STON2: variants seen among roughly 807,000 people sequenced by gnomAD.
STON2 encodes stonin-2.
A neutral mutation model predicts 65.7 loss-of-function variants in STON2; 29 were observed. The observed-to-expected ratio is 0.44, with a 90% confidence interval of 0.33 to 0.60. STON2 has a LOEUF of 0.60. STON2 is among the 20% of genes least tolerant of loss of function. The pLI, the probability that STON2 is intolerant of heterozygous loss-of-function variation, is 0.03. For missense variants in STON2, 1,054 were observed against 1,118.1 expected, an observed-to-expected ratio of 0.94 and a Z score of 0.82; for synonymous variants, 404 against 414.2, an observed-to-expected ratio of 0.98 and a Z score of 0.30.
In STON2 at chr14:81,270,928, C is replaced by G; in HGVS notation, c.2582-56G>C. The G allele has an allele frequency of 3.8e-6, 6 of 1,574,474 alleles. No homozygotes were observed. In the East Asian group the frequency reaches 1.3e-4, roughly 35 times the overall value. On this transcript the variant is annotated intron_variant, in intron 6 of 7. Coordinates refer to ENST00000614646, the MANE Select transcript of STON2 (RefSeq NM_001394390.1). ...TTATTTGGGGAGAAAGTGGAAGGAG[C>G]AGCCAAAGGAGCCACTTTGGTAATA...
chr14:81,331,913 GA>G (rs1482506005), intron 4 of STON2, among the ~76,000 whole-genome samples: 19 of 152,254 alleles, frequency 1.2e-4, no homozygotes, highest in African/African-American at 4.6e-4. Flanking sequence ...TCTTCCCAGG[GA>G]AGACACTCCT....
rs368197898 is a variant in STON2, at chr14:81,430,484, C to T, written c.-309-3272G>A. Among the ~76,000 whole-genome samples, 3 of 152,328 alleles carry T rather than the reference C, an allele frequency of 2.0e-5. No individual in the cohort carries two copies. In the East Asian group the frequency reaches 5.8e-4, roughly 29 times the overall value. ...CACTCTTCGCTGTGATGAAACATCACAAGGAACACTGACCACCCCTTGCCA... is the reference window on the plus strand; with the variant it reads ...CACTCTTCGCTGTGATGAAACATCATAAGGAACACTGACCACCCCTTGCCA... On this transcript the variant is annotated intron_variant, in intron 1 of 8. Transcript: ENST00000553821.
At chr14:81,429,656 G>A (rs901118035) in intron 1 of STON2, among the ~76,000 whole-genome samples, 15 of 152,130 alleles carry the variant, frequency 9.9e-5, no homozygotes, top group South Asian at 2.1e-4. Flanking sequence ...CATCTAGGTC[G>A]GGCATGATGG....
chr14:81,386,851 A>G (rs527771286), intron 3 of STON2, among the ~76,000 whole-genome samples: 1 of 152,282 alleles, frequency 6.6e-6, no homozygotes, highest in Non-Finnish European at 1.5e-5. Flanking sequence ...AGGCATTTGC[A>G]GACATGTTCT....
At chr14:81,299,572 G>GT (rs1295979451) in intron 5 of STON2, among the ~76,000 whole-genome samples, 1 of 152,174 alleles carries the variant, frequency 6.6e-6, no homozygotes, top group Non-Finnish European at 1.5e-5. Flanking sequence ...GCTGTTTTCA[G>GT]TTTTTCCTTT....
Position 81,306,220 on chromosome 14 carries a change from C to CTATTTTTTTTTTTTTTTTTTTTTT in STON2, c.742+17796_742+17797insAAAAAAAAAAAAAAAAAAAAAATA, listed in dbSNP as rs1555397665. Among the ~76,000 whole-genome samples, 2 of 69,490 alleles carry CTATTTTTTTTTTTTTTTTTTTTTT rather than the reference C, an allele frequency of 2.9e-5. 1 individual carries two copies. The allele number at this position is 69,490 out of a possible 152,430, so 45.6% of individuals were successfully genotyped here. A position where few individuals can be genotyped will look rare whatever the true frequency, so the allele number is the denominator to read the frequency against. ...TTATATATACACACACATACATACT[C>CTATTTTTTTTTTTTTTTTTTTTTT]TTTTTTTTTTTTTTTTTTTTTTTTT... On this transcript the variant is annotated intron_variant, in intron 5 of 7. Coordinates refer to ENST00000614646, the MANE Select transcript of STON2 (RefSeq NM_001394390.1).
intron 5 of STON2, among the ~76,000 whole-genome samples, chr14:81,312,313 T>C (rs1301924856): frequency 6.6e-6 from 1 of 152,120 alleles, no homozygotes; most frequent in Non-Finnish European, 1.5e-5. Flanking sequence ...AAAGCCTGAC[T>C]TTGGCCATTA....
intron 5 of STON2, among the ~76,000 whole-genome samples, chr14:81,280,954 T>C (rs1012209841): frequency 1.4e-5 from 2 of 146,998 alleles, no homozygotes; most frequent in African/African-American, 5.1e-5. Context: ...GAGGTTGCAG[T>C]GAGCCGAGAT....
intron 1 of STON2, among the ~76,000 whole-genome samples, chr14:81,431,731 T>C (rs756555554): frequency 2.6e-5 from 4 of 151,638 alleles, no homozygotes; most frequent in Non-Finnish European, 5.9e-5. Context: ...TAAGCCGATA[T>C]TGCGCACTGC....
At chr14:81,433,399 A>G (rs73344133) in intron 1 of STON2, among the ~76,000 whole-genome samples, 8,841 of 152,166 alleles carry the variant, frequency 0.058, 403 homozygotes, top group African/African-American at 0.12. Context: ...TCAAAGCCCA[A>G]CTCAAAACTC....
At chr14:81,346,461 G>T (rs1472586071) in intron 4 of STON2, among the ~76,000 whole-genome samples, 1 of 152,096 alleles carries the variant, frequency 6.6e-6, no homozygotes, top group Non-Finnish European at 1.5e-5. Flanking sequence ...TGGACATTAG[G>T]ACACAGGCAC....
At chr14:81,308,163 T>C (rs1021787799) in intron 5 of STON2, among the ~76,000 whole-genome samples, 3 of 152,222 alleles carry the variant, frequency 2.0e-5, no homozygotes, top group Admixed American at 2.0e-4. Context: ...TCATTACGCT[T>C]ACCTGCTCTG....
chr14:81,288,699 A>C (rs2140149357), intron 5 of STON2, among the ~76,000 whole-genome samples: 1 of 152,190 alleles, frequency 6.6e-6, no homozygotes, highest in South Asian at 2.1e-4. Context: ...GGACCATCAA[A>C]CACCTATATG....
intron 5 of STON2, among the ~76,000 whole-genome samples, chr14:81,284,641 A>T (rs1895263112): frequency 6.6e-6 from 1 of 152,258 alleles, no homozygotes; most frequent in Non-Finnish European, 1.5e-5. Flanking sequence ...ATATTTACCT[A>T]ATATAATTGA....
chr14:81,275,766 T>C (rs1303543805), intron 6 of STON2, among the ~76,000 whole-genome samples: 1 of 152,214 alleles, frequency 6.6e-6, no homozygotes, highest in African/African-American at 2.4e-5. Context: ...CTCCCTGGAC[T>C]GCCTGGGGAG....
chr14:81,344,989 T>C (rs1897757677), intron 4 of STON2, among the ~76,000 whole-genome samples: 1 of 152,208 alleles, frequency 6.6e-6, no homozygotes, highest in Non-Finnish European at 1.5e-5. Flanking sequence ...AAAAGGCTGA[T>C]TGAGAGACTT....
At chr14:81,435,468 G>A (rs1902380524) in intron 1 of STON2, among the ~76,000 whole-genome samples, 1 of 152,198 alleles carries the variant, frequency 6.6e-6, no homozygotes, top group Non-Finnish European at 1.5e-5. Context: ...TATCAGACCG[G>A]TGCAATCATT....
intron 4 of STON2, among the ~76,000 whole-genome samples, chr14:81,325,329 T>A (rs774634354): frequency 6.6e-6 from 1 of 152,210 alleles, no homozygotes; most frequent in African/African-American, 2.4e-5. Flanking sequence ...TAATATACAT[T>A]GTGACTCTCC....
chr14:81,328,683 G>C (rs1479586535), intron 4 of STON2, among the ~76,000 whole-genome samples: 1 of 152,182 alleles, frequency 6.6e-6, no homozygotes, highest in Non-Finnish European at 1.5e-5. Flanking sequence ...AATGGGGGAT[G>C]TATGGGTAAT....
Sources: allele counts gnomAD v4.1 joint callset (sites outside exome capture counted in the v4.1 genomes callset), GRCh38; gene constraint gnomAD v4.1.1; transcripts MANE v1.5; gene names NCBI Gene and HGNC (gene_info 2026-07-23, HGNC 2026-07-21).